Variants in MATN2 observed in about 807,000 individuals in gnomAD.
MATN2 encodes the protein matrilin 2.
MATN2 carries 69 observed loss-of-function variants against 103.2 expected under a neutral mutation model. The observed-to-expected ratio is 0.67, with a 90% confidence interval of 0.55 to 0.82. The LOEUF is 0.82. MATN2 is among the 40% of genes least tolerant of loss of function. The pLI is 0.00. For synonymous variants in MATN2, 429 were observed against 450.2 expected (o/e 0.95, Z 0.60); for missense variants, 1,023 against 1,211.5 (o/e 0.84, Z 2.31).
chr8:98,014,225 G>A (rs891061181), intron 10 of MATN2, among the ~76,000 whole-genome samples: 2 of 152,094 alleles, frequency 1.3e-5, no homozygotes, highest in South Asian at 2.1e-4. Context: ...CAAGGTTGAC[G>A]TGAAAGAGCT....
intron 15 of MATN2, chr8:98,032,045 T>C (rs1814042651): frequency 2.3e-6 from 1 of 428,934 alleles, no homozygotes; most frequent in African/African-American, 2.0e-5. Flanking sequence ...AAGCTTCTCT[T>C]ACGAGAGAGA....
intron 10 of MATN2, among the ~76,000 whole-genome samples, chr8:98,015,311 A>G (rs1813320110): frequency 6.6e-6 from 1 of 152,112 alleles, no homozygotes; most frequent in Non-Finnish European, 1.5e-5. Flanking sequence ...CGATCCTTTA[A>G]AAACAAACCC....
rs77136153 is a variant in MATN2, at chr8:98,014,280, T to C, written c.1574-2260T>C. ...GGAAAATGGAGTAGTAGTAGTATTA[T>C]AAATTCACGGTAGGGGGAAAAAAAA... On this transcript the variant is annotated intron_variant, in intron 10 of 18. Transcript: ENST00000254898. 2.3e-3 allele frequency among the ~76,000 whole-genome samples: 352 copies of C among 150,390 alleles called. 2 individuals carry two copies. The highest frequency in any genetic ancestry group is 3.7e-3 in the Non-Finnish European group (247 of 66,824).
Position 97,988,854 on chromosome 8 carries a change from A to G in MATN2, c.1082-5626A>G, listed in dbSNP as rs1319109495. Among the ~76,000 whole-genome samples the G allele has an allele frequency of 2.6e-5, 4 of 152,316 alleles. No homozygotes were observed. In the East Asian group the frequency reaches 5.8e-4, roughly 22 times the overall value. Reference sequence around the variant, plus strand: ...CAACTCATCCTATGAGGCTATCAGTACCCTGATACCCAAACCAGAAAAGAA... The same window carrying G: ...CAACTCATCCTATGAGGCTATCAGTGCCCTGATACCCAAACCAGAAAAGAA... On this transcript the variant is annotated intron_variant, in intron 6 of 18. Transcript: ENST00000254898.
At chr8:97,903,825 AG>A (rs1385116499) in intron 2 of MATN2, among the ~76,000 whole-genome samples, 1 of 152,244 alleles carries the variant, frequency 6.6e-6, no homozygotes, top group Non-Finnish European at 1.5e-5. Flanking sequence ...GGACGGAGAT[AG>A]GACCACTTGA....
chr8:98,023,904 A>C (rs1563732605), intron 13 of MATN2, among the ~76,000 whole-genome samples: 1 of 152,220 alleles, frequency 6.6e-6, no homozygotes, highest in Non-Finnish European at 1.5e-5. Flanking sequence ...CATGGATGGA[A>C]CTGGAAGCCA....
intron 3 of MATN2, among the ~76,000 whole-genome samples, chr8:97,938,796 A>G (rs539150813): frequency 7.2e-5 from 11 of 152,314 alleles, no homozygotes; most frequent in South Asian, 4.1e-4. Flanking sequence ...GGTTCCTGCA[A>G]TCCTCTGGTG....
intron 5 of MATN2, among the ~76,000 whole-genome samples, chr8:97,971,189 G>C (rs117478053): frequency 2.6e-5 from 4 of 152,062 alleles, no homozygotes; most frequent in African/African-American, 9.7e-5. Context: ...TCTTGAGAAG[G>C]GTTCTCAGAT....
intron 3 of MATN2, among the ~76,000 whole-genome samples, chr8:97,941,184 A>AAAAAAAAAAAAC (rs1810550228): frequency 1.9e-5 from 1 of 52,870 alleles, no homozygotes; most frequent in Non-Finnish European, 3.4e-5. Context: ...AAAAAAAAAA[A>AAAAAAAAAAAAC]AGAAAGAAAG....
intron 1 of MATN2, among the ~76,000 whole-genome samples, chr8:97,870,920 C>A (rs751232168): frequency 2.0e-5 from 3 of 152,178 alleles, no homozygotes; most frequent in Non-Finnish European, 4.4e-5. Flanking sequence ...CCTATCTGTC[C>A]ACACTTTTTA....
chr8:97,885,833 G>A (rs1367969364), intron 1 of MATN2, among the ~76,000 whole-genome samples: 1 of 152,184 alleles, frequency 6.6e-6, no homozygotes, highest in Non-Finnish European at 1.5e-5. Flanking sequence ...AAAGGGGGGT[G>A]AGGAGAGTAG....
At position 97,956,659 on chromosome 8, in the gene MATN2, C is replaced by G. The variant is rs149878896; in HGVS notation, c.836-4749C>G. Reference sequence around the variant, plus strand: ...TGTCTTATGGAAAGCTGCTTCTGCCCCAGCCCTCAATTTGATCCTGTGTCC... The same window carrying G: ...TGTCTTATGGAAAGCTGCTTCTGCCGCAGCCCTCAATTTGATCCTGTGTCC... On this transcript the variant is annotated intron_variant, in intron 4 of 18. Transcript: ENST00000254898. Among the ~76,000 whole-genome samples, 146 of 152,286 alleles carry G rather than the reference C, an allele frequency of 9.6e-4. 1 individual carries two copies. The highest frequency in any genetic ancestry group is 3.3e-3 in the African/African-American group (139 of 41,556).
At chr8:98,032,128 C>T in intron 15 of MATN2, 118 bp from the exon 16 acceptor site, 1 of 750,606 alleles carries the variant, frequency 1.3e-6, no homozygotes, top group Non-Finnish European at 2.2e-6. Context: ...CCAAACAAAA[C>T]TAAAAAACCT....
chr8:97,987,075 T>A (rs914119593), intron 6 of MATN2, among the ~76,000 whole-genome samples: 19 of 152,104 alleles, frequency 1.2e-4, no homozygotes, highest in African/African-American at 4.6e-4. Context: ...ACTCCTGAAC[T>A]TGTGATCCGC....
At chr8:97,999,244 G>C (rs1812703337) in intron 7 of MATN2, among the ~76,000 whole-genome samples, 1 of 152,176 alleles carries the variant, frequency 6.6e-6, no homozygotes, top group African/African-American at 2.4e-5. Flanking sequence ...TCCTTTGATA[G>C]ATCCCTGGGT....
chr8:98,030,751 C>T (rs1443991441), intron 15 of MATN2, 137 bp downstream of exon 15: 1 of 756,654 alleles, frequency 1.3e-6, no homozygotes, highest in Non-Finnish European at 2.1e-6. Flanking sequence ...CAACCTCCGC[C>T]TCCTGGGTTC....
At position 98,033,529 on chromosome 8, in the gene MATN2, T is replaced by C. The variant is rs765521573; in HGVS notation, c.2717-32T>C. 3.3e-6 allele frequency: 4 copies of C among 1,220,358 alleles called. No homozygotes were observed. The African/African-American group carries it at 4.5e-5, about 14-fold the overall frequency. 75.6% of individuals were successfully genotyped at this position (1,220,358 alleles called of 1,614,324 possible). On this transcript the variant is annotated intron_variant, in intron 17 of 18. Coordinates refer to ENST00000254898, the MANE Select transcript of MATN2 (RefSeq NM_002380.5). ...TGCGTCTGGGAAGTCTGGTGGATTC[T>C]AGAGGTGAACACTTTCCATCTGCTT...
chr8:97,961,261 T>G lies in MATN2; in HGVS notation c.836-147T>G, dbSNP rs1811306017. On this transcript the variant is annotated intron_variant, in intron 4 of 18. Transcript: ENST00000254898. Reference sequence around the variant, plus strand: ...ATCTATTTTTTTATGTTTTCCAAATTTTCTACTATGATCACGTATCAAACC... The same window carrying G: ...ATCTATTTTTTTATGTTTTCCAAATGTTCTACTATGATCACGTATCAAACC... 2.7e-6 allele frequency: 2 copies of G among 747,844 alleles called. No homozygotes were observed. Among genetic ancestry groups the G allele is most frequent in the East Asian group, 5.9e-5 (2 of 33,646 alleles). 46.3% of individuals were successfully genotyped at this position (747,844 alleles called of 1,614,324 possible). A position where few individuals can be genotyped will look rare whatever the true frequency, so the allele number is the denominator to read the frequency against.
Position 98,021,204 on chromosome 8 carries a change from G to T in MATN2, c.1820-1G>T, listed in dbSNP as rs753416685. On this transcript the variant is annotated splice_acceptor_variant, in intron 12 of 18. Transcript: ENST00000254898. LOFTEE classifies it high-confidence loss of function. The stretch of plus-strand genomic sequence containing the variant: ...TGTTCAACTCCCTACATTTTCCTCA[G>T]GGAAGGATGTCTGCAAATCAACCCA... The T allele has an allele frequency of 1.9e-6, 3 of 1,612,952 alleles. No homozygotes were observed. The highest frequency in any genetic ancestry group is 2.5e-6 in the Non-Finnish European group (3 of 1,179,300).
Sources: gnomAD v4.1 joint callset for allele counts (sites outside exome capture counted in the v4.1 genomes callset) on GRCh38, gnomAD v4.1.1 for gene constraint, MANE v1.5 for transcripts, NCBI Gene and HGNC (gene_info 2026-07-23, HGNC 2026-07-21) for gene names.